CDK5RAP2: variants seen among roughly 807,000 people sequenced by gnomAD.
CDK5RAP2 encodes CDK5 regulatory subunit-associated protein 2.
A neutral mutation model predicts 232.9 loss-of-function variants in CDK5RAP2; 147 were observed. The ratio of observed to expected loss-of-function variants is 0.63; its 90% CI spans 0.55 to 0.72. The LOEUF (loss-of-function observed/expected upper bound fraction) is 0.72, where lower values mean the gene tolerates loss of function less well. Ranked by LOEUF, CDK5RAP2 falls within the 30% of genes least tolerant of loss-of-function variation. The pLI, the probability that CDK5RAP2 is intolerant of heterozygous loss-of-function variation, is 0.00. For missense variants in CDK5RAP2, 2,195 were observed against 2,231.5 expected, an observed-to-expected ratio of 0.98 and a Z score of 0.33; for synonymous variants, 833 against 833.7, an observed-to-expected ratio of 1.00 and a Z score of 0.01.
At chr9:120,395,544 G>A (rs1298721174) in intron 35 of CDK5RAP2, among the ~76,000 whole-genome samples, 2 of 152,222 alleles carry the variant, frequency 1.3e-5, no homozygotes, top group East Asian at 3.9e-4. Context: ...CCAGCTCCCA[G>A]GGGGAAGGAC....
intron 12 of CDK5RAP2, among the ~76,000 whole-genome samples, chr9:120,493,451 T>C (rs550965243): frequency 7.3e-4 from 111 of 152,322 alleles, no homozygotes; most frequent in Non-Finnish European, 1.4e-3. Flanking sequence ...TATAGACGTA[T>C]TCAGCTATAA....
At chr9:120,494,346 T>C (rs1258175818) in intron 12 of CDK5RAP2, among the ~76,000 whole-genome samples, 1 of 152,138 alleles carries the variant, frequency 6.6e-6, no homozygotes, top group Non-Finnish European at 1.5e-5. Context: ...AAGAAACCAG[T>C]GTTTCTTGGG....
chr9:120,404,056 TG>T lies in CDK5RAP2; in HGVS notation c.5020del (p.Gln1674ArgfsTer3). On this transcript the variant is annotated frameshift_variant, in exon 33 of 38. Coordinates refer to ENST00000349780, the MANE Select transcript of CDK5RAP2 (RefSeq NM_018249.6). LOFTEE classifies it high-confidence loss of function. ...DNSFDLFDSS[Q>X]AVTPKSVSET... ...TGTACCTGATTTTGGTGTCACTGCC[TG>T]GGAGGAATCAAACAGATCAAATGAA... 6.2e-7 allele frequency: 1 copy of T among 1,613,402 alleles called. No individual in the cohort carries two copies. The highest frequency in any genetic ancestry group is 8.5e-7 in the Non-Finnish European group (1 of 1,179,256).
chr9:120,486,234 T>C (rs2038594475), intron 14 of CDK5RAP2, among the ~76,000 whole-genome samples: 2 of 152,132 alleles, frequency 1.3e-5, no homozygotes, highest in South Asian at 4.2e-4. Context: ...CCAGCTCTAG[T>C]GCCCGAGTCT....
chr9:120,435,544 T>G (rs1236404541), intron 25 of CDK5RAP2, among the ~76,000 whole-genome samples: 1 of 151,512 alleles, frequency 6.6e-6, no homozygotes, highest in African/African-American at 2.4e-5. Context: ...CTCGTAGCAA[T>G]GAACACACCT....
At position 120,404,113 on chromosome 9, in the gene CDK5RAP2, T is replaced by A. The variant is rs751682453; in HGVS notation, c.4964A>T (p.Asp1655Val). 6 of 1,607,776 alleles carry A rather than the reference T, an allele frequency of 3.7e-6. No individual in the cohort carries two copies. Among genetic ancestry groups the A allele is most frequent in the Non-Finnish European group, 5.1e-6 (6 of 1,174,314 alleles). ...ACTTTCCATGGGATATTTGTCACCA[T>A]CTACAAAATGCAAAACACGAGAACT... ...PEVPLQPDKHDGDKYPMESDN... is the reference protein window; with the variant it reads ...PEVPLQPDKHVGDKYPMESDN... Residue 1655 changes from aspartate to valine, a missense_variant and splice_region_variant, in exon 33 of 38, where the codon GAT becomes GTT. Transcript: ENST00000349780.
intron 27 of CDK5RAP2, among the ~76,000 whole-genome samples, chr9:120,417,086 C>T (rs140645390): frequency 1.3e-3 from 201 of 152,160 alleles, no homozygotes; most frequent in Admixed American, 2.2e-3. Context: ...TGCATCTCCA[C>T]GCTCCTTAAA....
chr9:120,574,312 C>G (rs1182397394), intron 1 of CDK5RAP2, among the ~76,000 whole-genome samples: 1 of 152,188 alleles, frequency 6.6e-6, no homozygotes, highest in Non-Finnish European at 1.5e-5. Context: ...CAAGCAGCTC[C>G]CTCTTTCCAT....
intron 1 of CDK5RAP2, among the ~76,000 whole-genome samples, chr9:120,578,612 G>A (rs1204773474): frequency 6.6e-6 from 1 of 150,514 alleles, no homozygotes; most frequent in Non-Finnish European, 1.5e-5. Flanking sequence ...TGTCACCCAG[G>A]CTACAGTGCA....
chr9:120,482,589 T>C (rs1018658829), intron 14 of CDK5RAP2, among the ~76,000 whole-genome samples: 4 of 152,142 alleles, frequency 2.6e-5, no homozygotes, highest in Non-Finnish European at 5.9e-5. Context: ...CTTTGACTGA[T>C]AAAGATGCCC....
At chr9:120,558,281 G>A (rs2042315293) in intron 3 of CDK5RAP2, among the ~76,000 whole-genome samples, 1 of 127,826 alleles carries the variant, frequency 7.8e-6, no homozygotes, top group South Asian at 2.5e-4. Flanking sequence ...GCTGAGGCAG[G>A]AGAATGGCTT....
chr9:120,400,963 A>T, intron 34 of CDK5RAP2, 78 bp from the exon 35 acceptor site: 1 of 1,525,510 alleles, frequency 6.6e-7, no homozygotes, highest in Non-Finnish European at 9.0e-7. Flanking sequence ...ATGCAGTATA[A>T]ATCTCCAGAC....
At chr9:120,454,190 AT>A (rs2131409153) in intron 20 of CDK5RAP2, among the ~76,000 whole-genome samples, 1 of 152,336 alleles carries the variant, frequency 6.6e-6, no homozygotes, top group African/African-American at 2.4e-5. Flanking sequence ...AACAAACGGG[AT>A]TATAAGGTGA....
At chr9:120,547,539 G>C (rs368686125) in intron 4 of CDK5RAP2, among the ~76,000 whole-genome samples, 3 of 152,190 alleles carry the variant, frequency 2.0e-5, no homozygotes, top group Admixed American at 6.5e-5. Flanking sequence ...AGGAGGCAGA[G>C]GTCGCAGTGA....
intron 12 of CDK5RAP2, among the ~76,000 whole-genome samples, chr9:120,510,256 C>T (rs111376843): frequency 3.9e-5 from 6 of 152,226 alleles, no homozygotes; most frequent in Admixed American, 6.5e-5. Flanking sequence ...GTGACCGGTA[C>T]GACTTTAATT....
rs750075737 is a variant in CDK5RAP2, at chr9:120,439,474, T to C, written c.3647A>G (p.Glu1216Gly). 6.2e-7 allele frequency: 1 copy of C among 1,614,208 alleles called. No individual in the cohort carries two copies. Residue 1216 changes from glutamate to glycine, a missense_variant, in exon 24 of 38, where the codon GAG (glutamate) becomes GGG (glycine). Coordinates refer to ENST00000349780, the MANE Select transcript of CDK5RAP2 (RefSeq NM_018249.6). ...LEEQEYKLQK[E>G]QNLNMQLFSE... The stretch of plus-strand genomic sequence containing the variant: ...GAAAAGTTGCATGTTCAAATTCTGC[T>C]CCTTCTGCAGCTTGTATTCCTGTTC...
chr9:120,486,694 G>A (rs956039856), intron 14 of CDK5RAP2, among the ~76,000 whole-genome samples: 1 of 152,128 alleles, frequency 6.6e-6, no homozygotes, highest in Admixed American at 6.5e-5. Flanking sequence ...CTGTGAACCA[G>A]AGGAAAACGG....
At chr9:120,557,345 G>A (rs973857916) in intron 3 of CDK5RAP2, among the ~76,000 whole-genome samples, 4 of 152,108 alleles carry the variant, frequency 2.6e-5, no homozygotes, top group Non-Finnish European at 5.9e-5. Context: ...TGTCCTAGCT[G>A]GATACTCGGC....
intron 29 of CDK5RAP2, among the ~76,000 whole-genome samples, chr9:120,410,133 C>T (rs1430370137): frequency 1.3e-5 from 2 of 152,158 alleles, no homozygotes; most frequent in Non-Finnish European, 2.9e-5. Flanking sequence ...CACTATTATT[C>T]TCCGTTTTCC....
Sources: allele counts gnomAD v4.1 joint callset (sites outside exome capture counted in the v4.1 genomes callset), GRCh38; gene constraint gnomAD v4.1.1; transcripts MANE v1.5; gene names NCBI Gene and HGNC (gene_info 2026-07-23, HGNC 2026-07-21).